Variants in GPC6 observed in about 807,000 individuals in gnomAD.
GPC6 encodes the protein glypican 6.
In GPC6, 14 loss-of-function variants were observed where a neutral mutation model predicts 55.2. That is an observed-to-expected ratio of 0.25 (90% CI 0.17 to 0.40). GPC6 has a LOEUF of 0.40. Ranked by LOEUF, GPC6 falls within the 10% of genes least tolerant of loss-of-function variation. GPC6 has a pLI of 1.00. For synonymous variants in GPC6, 278 were observed against 259.6 expected (o/e 1.07, Z -0.68); for missense variants, 641 against 708.5 (o/e 0.90, Z 1.08).
chr13:93,490,851 A>G (rs1166335532), intron 1 of GPC6, among the ~76,000 whole-genome samples: 3 of 86,980 alleles, frequency 3.4e-5, no homozygotes, highest in African/African-American at 8.5e-5. Context: ...ACATGAACTC[A>G]TCATTTTTTA....
At chr13:93,594,040 T>G (rs1183190154) in intron 2 of GPC6, among the ~76,000 whole-genome samples, 2 of 152,184 alleles carry the variant, frequency 1.3e-5, no homozygotes, top group Admixed American at 6.6e-5. Flanking sequence ...GGCTTTTATA[T>G]ATAAGAAATT....
rs531412902 is a variant in GPC6 at position 93,227,549 on chromosome 13, A to G, written c.93A>G (p.Gly31=). The G allele has an allele frequency of 3.7e-6, 6 of 1,613,350 alleles. No individual in the cohort carries two copies. The highest frequency in any genetic ancestry group is 2.2e-5 in the East Asian group (1 of 44,814). The change falls in exon 1 of 9, where the codon GGA becomes GGG. Residue 31 remains glycine (G), a synonymous_variant. Transcript: ENST00000377047. The surrounding 1 kb of genome is among the most constrained non-coding windows in gnomAD (Gnocchi z 4.3). ...AGADVKARSC[G]EVRQAYGAKG... is the part of the protein sequence containing the mutation. ...CGGATGTGAAGGCTCGGAGCTGCGG[A>G]GAGGTCCGCCAGGCGTACGGTGCCA...
chr13:93,979,081 A>G (rs1026104244), intron 3 of GPC6, among the ~76,000 whole-genome samples: 1 of 152,144 alleles, frequency 6.6e-6, no homozygotes, highest in Non-Finnish European at 1.5e-5. Context: ...ATGAATGACA[A>G]TTCTGGGACA....
intron 1 of GPC6, among the ~76,000 whole-genome samples, chr13:93,404,472 A>T (rs1400002367): frequency 6.6e-6 from 1 of 152,148 alleles, no homozygotes; most frequent in African/African-American, 2.4e-5. Context: ...ATTCCAGTTA[A>T]TTTTGTAAAA....
intron 2 of GPC6, among the ~76,000 whole-genome samples, chr13:93,620,514 C>G (rs993453416): frequency 1.3e-5 from 2 of 152,168 alleles, no homozygotes; most frequent in African/African-American, 2.4e-5. Flanking sequence ...CTGTGTTGGT[C>G]TAAGTCATGA....
intron 4 of GPC6, among the ~76,000 whole-genome samples, chr13:94,175,678 C>T (rs1196217368): frequency 6.6e-6 from 1 of 151,556 alleles, no homozygotes; most frequent in African/African-American, 2.4e-5. Flanking sequence ...TATAGCTGGT[C>T]TTTTTAATTT....
chr13:93,850,874 G>T (rs951264825), intron 3 of GPC6, among the ~76,000 whole-genome samples: 1 of 151,930 alleles, frequency 6.6e-6, no homozygotes. Context: ...GGTTATTGAG[G>T]TCTTAGACAT....
intron 3 of GPC6, among the ~76,000 whole-genome samples, chr13:93,929,289 T>C (rs1162719782): frequency 6.6e-6 from 1 of 152,232 alleles, no homozygotes; most frequent in African/African-American, 2.4e-5. Context: ...AGATCATTTA[T>C]TCTGTGGACA....
chr13:94,310,214 A>C (rs1250759219), intron 6 of GPC6, among the ~76,000 whole-genome samples: 1 of 152,174 alleles, frequency 6.6e-6, no homozygotes, highest in Non-Finnish European at 1.5e-5. Flanking sequence ...ATTCCAGCTG[A>C]TTCATTAGAG....
chr13:93,678,481 T>C (rs1340279552), intron 2 of GPC6, among the ~76,000 whole-genome samples: 1 of 152,198 alleles, frequency 6.6e-6, no homozygotes, highest in East Asian at 1.9e-4. Context: ...CATGTCTGAA[T>C]GTAACTAAGT....
intron 4 of GPC6, among the ~76,000 whole-genome samples, chr13:94,138,134 G>A (rs140002479): frequency 1.3e-3 from 199 of 152,210 alleles, no homozygotes; most frequent in African/African-American, 4.5e-3. Context: ...AACATTTTGA[G>A]TACCAACATA....
At chr13:93,692,594 T>G (rs1171318360) in intron 2 of GPC6, among the ~76,000 whole-genome samples, 2 of 152,108 alleles carry the variant, frequency 1.3e-5, no homozygotes, top group East Asian at 3.9e-4. Context: ...TTATGGATCA[T>G]TAGAAAATAT....
At chr13:94,158,864 T>C (rs1888053944) in intron 4 of GPC6, among the ~76,000 whole-genome samples, 1 of 152,104 alleles carries the variant, frequency 6.6e-6, no homozygotes, top group Non-Finnish European at 1.5e-5. Context: ...TTACAAGACA[T>C]AGCATATGGC....
chr13:93,248,886 C>T (rs1876694648), intron 1 of GPC6, among the ~76,000 whole-genome samples: 7 of 152,188 alleles, frequency 4.6e-5, no homozygotes, highest in Admixed American at 4.6e-4. Flanking sequence ...CAGCAAATTG[C>T]TCCATGGCTT....
At chr13:94,374,954 A>G (rs1347197890) in intron 6 of GPC6, among the ~76,000 whole-genome samples, 1 of 144,690 alleles carries the variant, frequency 6.9e-6, no homozygotes, top group Non-Finnish European at 1.5e-5. Context: ...CCTGCTCCTG[A>G]ATGACTACTG....
intron 2 of GPC6, among the ~76,000 whole-genome samples, chr13:93,558,922 G>T (rs1359291905): frequency 1.3e-5 from 2 of 152,152 alleles, no homozygotes; most frequent in Non-Finnish European, 2.9e-5. Context: ...GCTCCTGAGA[G>T]TCTATCACTG....
intron 4 of GPC6, among the ~76,000 whole-genome samples, chr13:94,099,022 C>A (rs1885758684): frequency 6.6e-6 from 1 of 152,020 alleles, no homozygotes; most frequent in Non-Finnish European, 1.5e-5. Flanking sequence ...ATATATTTAT[C>A]CCACAAGTGA....
At chr13:93,623,241 G>A (rs190940767) in intron 2 of GPC6, among the ~76,000 whole-genome samples, 1 of 152,168 alleles carries the variant, frequency 6.6e-6, no homozygotes, top group East Asian at 1.9e-4. Flanking sequence ...CCATAGGAGT[G>A]CAGATATCTC....
chr13:93,539,191 A>C (rs1882186971), intron 1 of GPC6, among the ~76,000 whole-genome samples: 1 of 152,148 alleles, frequency 6.6e-6, no homozygotes, highest in African/African-American at 2.4e-5. Flanking sequence ...TAAAAAGAAA[A>C]TTAGTGATTG....
Sources: allele counts gnomAD v4.1 joint callset (sites outside exome capture counted in the v4.1 genomes callset), GRCh38; gene constraint gnomAD v4.1.1; non-coding constraint Gnocchi (gnomAD v3.1); transcripts MANE v1.5; gene names NCBI Gene and HGNC (gene_info 2026-07-23, HGNC 2026-07-21).